The following RANBP17 variants were observed in gnomAD, a reference collection of about 807,000 sequenced individuals.
The protein encoded by RANBP17 is ran-binding protein 17.
Under a neutral mutation model 141.2 loss-of-function variants are expected in RANBP17, and 158 were observed. The ratio of observed to expected loss-of-function variants is 1.12; its 90% CI spans 0.98 to 1.28. RANBP17 has a LOEUF of 1.28. Ranked by LOEUF, RANBP17 falls within the 50% of genes most tolerant of loss-of-function variation. The probability of loss-of-function intolerance (pLI) is 0.00; values close to 1 mark genes in which losing one functional copy is unlikely to be tolerated. For synonymous variants in RANBP17, 430 were observed against 450.0 expected, an observed-to-expected ratio of 0.96 and a Z score of 0.56; for missense variants, 1,438 against 1,290.7, an observed-to-expected ratio of 1.11 and a Z score of -1.75.
rs1031880586 is a variant in RANBP17, at chr5:171,171,233, A to G, written c.1812A>G (p.Arg604=). Reference sequence around the variant, plus strand: ...TTACAAACCTTAAATACTGGGGAAGATATGAGCCTGTAATTTCAAGGACTC... The same window carrying G: ...TTACAAACCTTAAATACTGGGGAAGGTATGAGCCTGTAATTTCAAGGACTC... ...KIVTNLKYWG[R]YEPVISRTLQ... Residue 604 remains arginine, a synonymous_variant, in exon 16 of 28, where the codon AGA becomes AGG. Transcript: ENST00000523189. 2 of 1,596,354 alleles carry G rather than the reference A, an allele frequency of 1.3e-6. No individual in the cohort carries two copies. Among genetic ancestry groups the G allele is most frequent in the East Asian group, 2.2e-5 (1 of 44,596 alleles).
At chr5:170,936,881 T>C (rs1773921052) in intron 12 of RANBP17, among the ~76,000 whole-genome samples, 1 of 152,222 alleles carries the variant, frequency 6.6e-6, no homozygotes, top group East Asian at 1.9e-4. Context: ...TAAACATTTG[T>C]GATTGTTATG....
chr5:171,003,621 C>T (rs1174611893), intron 14 of RANBP17, among the ~76,000 whole-genome samples: 1 of 152,078 alleles, frequency 6.6e-6, no homozygotes, highest in Non-Finnish European at 1.5e-5. Context: ...GGAGGGTGTC[C>T]TGTTGAGAAG....
In RANBP17 at chr5:170,897,352, TC is replaced by T. The variant is rs1430688401; in HGVS notation, c.489+1238del. The T allele has an allele frequency of 9.5e-6, 5 of 525,374 alleles. No homozygotes were observed. In the African/African-American group the frequency reaches 1.0e-4, roughly 11 times the overall value. The allele number at this position is 525,374 out of a possible 1,614,324, so 32.5% of individuals were successfully genotyped here. ...CTGGGCTTGGCACATTTCTTCTTCT[TC>T]TTCTTCTTTTTTTTTTTTAAATATT... On this transcript the variant is annotated intron_variant, in intron 5 of 27. Transcript: ENST00000523189.
At chr5:171,055,880 C>CAAAAAAAAAAAAAAAAAAAAAAAAAAAAA (rs72488636) in intron 14 of RANBP17, among the ~76,000 whole-genome samples, 1 of 25,078 alleles carries the variant, frequency 4.0e-5, no homozygotes, top group African/African-American at 1.0e-4. Flanking sequence ...GTCCTGTTGC[C>CAAAAAAAAAAAAAAAAAAAAAAAAAAAAA]AAAAAAAAAA....
intron 18 of RANBP17, among the ~76,000 whole-genome samples, chr5:171,191,759 AGTG>A (rs1032874644): frequency 3.9e-5 from 6 of 152,154 alleles, no homozygotes; most frequent in Non-Finnish European, 8.8e-5. Flanking sequence ...CCATGTATGT[AGTG>A]GCCCTCTGAC....
intron 22 of RANBP17, among the ~76,000 whole-genome samples, chr5:171,225,421 G>A (rs1041062202): frequency 1.3e-5 from 2 of 152,216 alleles, no homozygotes; most frequent in African/African-American, 4.8e-5. Flanking sequence ...TCAGCCATCT[G>A]ATTTGTCTGT....
intron 5 of RANBP17, chr5:170,903,607 G>A (rs991322773): frequency 3.6e-5 from 9 of 248,950 alleles, no homozygotes; most frequent in African/African-American, 6.9e-5. Flanking sequence ...TCCTTCCGGT[G>A]AGGAGGATGT....
chr5:171,191,235 G>T (rs993468612), intron 18 of RANBP17, among the ~76,000 whole-genome samples: 2 of 151,968 alleles, frequency 1.3e-5, no homozygotes, highest in Non-Finnish European at 2.9e-5. Flanking sequence ...ACTAAAGATA[G>T]AAATAAAAAC....
chr5:170,868,746 C>T (rs550537770), intron 1 of RANBP17, among the ~76,000 whole-genome samples: 1 of 152,248 alleles, frequency 6.6e-6, no homozygotes, highest in East Asian at 1.9e-4. Flanking sequence ...TTTCTGAGAC[C>T]ATTCTCATAT....
chr5:171,237,968 AG>A (rs1764641563), intron 22 of RANBP17, among the ~76,000 whole-genome samples: 1 of 152,186 alleles, frequency 6.6e-6, no homozygotes, highest in African/African-American at 2.4e-5. Flanking sequence ...AATTTCAGTA[AG>A]TATTGCTGAA....
chr5:171,260,722 C>G (rs995101753), intron 24 of RANBP17, among the ~76,000 whole-genome samples: 3 of 151,708 alleles, frequency 2.0e-5, no homozygotes, highest in Non-Finnish European at 2.9e-5. Context: ...TAAATTTGTA[C>G]AAATTTAAAA....
rs533676441 is a variant in RANBP17 at position 170,893,666 on chromosome 5, G to A, written c.423+1113G>A. 5.8e-4 allele frequency among the ~76,000 whole-genome samples: 88 copies of A among 152,070 alleles called. No homozygotes were observed. The East Asian group carries it at 0.016, about 28-fold the overall frequency. On this transcript the variant is annotated intron_variant, in intron 4 of 27. Transcript: ENST00000523189. ...AAATTAGCTGGGCGTGGTGGCGGGC[G>A]CCTGTAGTCCCAGCTACTCGGGAGG...
chr5:170,973,268 C>T (rs1267654111), intron 14 of RANBP17, among the ~76,000 whole-genome samples: 4 of 152,124 alleles, frequency 2.6e-5, no homozygotes, highest in Non-Finnish European at 5.9e-5. Context: ...TAAATACATA[C>T]TGCTGGGATT....
chr5:170,953,763 G>C (rs1483749461), intron 13 of RANBP17, 61 bp downstream of exon 13: 1 of 1,090,452 alleles, frequency 9.2e-7, no homozygotes, highest in African/African-American at 1.6e-5. Context: ...ATTAGTTATT[G>C]AACTAGTATT....
chr5:170,896,131 C>T lies in RANBP17; in HGVS notation c.489+16C>T. 2 of 1,570,808 alleles carry T rather than the reference C, an allele frequency of 1.3e-6. No individual in the cohort carries two copies. Among genetic ancestry groups the T allele is most frequent in the East Asian group, 2.3e-5 (1 of 43,960 alleles). On this transcript the variant is annotated intron_variant, in intron 5 of 27. Transcript: ENST00000523189. The stretch of plus-strand genomic sequence containing the variant: ...AATGAACCTGGTAAGCGAGCCTTTC[C>T]ATCTAACAGGAGCCTGAGTTTGCTT...
chr5:171,249,255 C>G (rs1217326181), intron 24 of RANBP17, among the ~76,000 whole-genome samples: 1 of 152,180 alleles, frequency 6.6e-6, no homozygotes, highest in Non-Finnish European at 1.5e-5. Context: ...CCAACCAATA[C>G]CACAGATACT....
chr5:171,278,822 C>T (rs768372584), intron 25 of RANBP17, among the ~76,000 whole-genome samples: 1 of 152,098 alleles, frequency 6.6e-6, no homozygotes, highest in Non-Finnish European at 1.5e-5. Context: ...ACTCTTGACT[C>T]GGGAGAGTTG....
intron 24 of RANBP17, among the ~76,000 whole-genome samples, chr5:171,250,031 A>G (rs529061836): frequency 8.2e-4 from 125 of 152,346 alleles, no homozygotes; most frequent in Non-Finnish European, 1.4e-3. Context: ...CTAGTTACCT[A>G]TAAAAGGAAC....
chr5:171,252,020 A>G (rs1765605341), intron 24 of RANBP17: 13 of 1,607,280 alleles, frequency 8.1e-6, no homozygotes, highest in Non-Finnish European at 1.1e-5. Context: ...GTTCTTGCAT[A>G]GAAGAGTCAA....
Sources: allele counts gnomAD v4.1 joint callset (sites outside exome capture counted in the v4.1 genomes callset), GRCh38; gene constraint gnomAD v4.1.1; transcripts MANE v1.5; gene names NCBI Gene and HGNC (gene_info 2026-07-23, HGNC 2026-07-21).